PLPP1: variants seen among roughly 807,000 people sequenced by gnomAD.
PLPP1 encodes the protein phospholipid phosphatase 1.
A neutral mutation model predicts 31.2 loss-of-function variants in PLPP1; 24 were observed. That is an observed-to-expected ratio of 0.77 (90% CI 0.56 to 1.08). The LOEUF is 1.08. Ranked by LOEUF, PLPP1 falls within the 50% of genes least tolerant of loss-of-function variation. PLPP1 has a pLI of 0.00. For missense variants in PLPP1, 319 were observed against 342.7 expected, an observed-to-expected ratio of 0.93 and a Z score of 0.55; for synonymous variants, 146 against 126.3, an observed-to-expected ratio of 1.16 and a Z score of -1.05.
intron 1 of PLPP1, among the ~76,000 whole-genome samples, chr5:55,515,394 T>C (rs1331773476): frequency 2.0e-5 from 3 of 152,230 alleles, no homozygotes; most frequent in Non-Finnish European, 4.4e-5. Context: ...CCTGCTAGCC[T>C]GTGCTTGTTA....
At chr5:55,475,546 T>C in intron 1 of PLPP1, 96 bp from the exon 2 acceptor site, 1 of 1,186,452 alleles carries the variant, frequency 8.4e-7, no homozygotes. Context: ...TAAAAATGCA[T>C]TTGCCATGAA....
intron 1 of PLPP1, among the ~76,000 whole-genome samples, chr5:55,476,802 C>T (rs896490950): frequency 6.6e-6 from 1 of 152,146 alleles, no homozygotes; most frequent in Non-Finnish European, 1.5e-5. Flanking sequence ...AGTGTATTTA[C>T]CACAAATATC....
intron 1 of PLPP1, among the ~76,000 whole-genome samples, chr5:55,476,186 G>A (rs979691331): frequency 2.6e-5 from 4 of 151,228 alleles, no homozygotes; most frequent in African/African-American, 4.9e-5. Context: ...TTTTTTGTTT[G>A]TTTGTTTTTT....
chr5:55,530,840 A>G, intron 1 of PLPP1: 2 of 1,236,964 alleles, frequency 1.6e-6, no homozygotes, highest in Non-Finnish European at 2.4e-6. Context: ...CAGACGGGGC[A>G]GTAGGATGTG....
In PLPP1 at chr5:55,517,184, A is replaced by T. The variant is rs1579980867; in HGVS notation, c.58+17388T>A. ...CAAATTATGCTATCTTTCAAATCAA[A>T]TATTTCTTTTTTTACTTTTTTCAAG... On this transcript the variant is annotated intron_variant, in intron 1 of 5. Transcript: ENST00000307259. 2.6e-5 allele frequency among the ~76,000 whole-genome samples: 4 copies of T among 152,162 alleles called. No homozygotes were observed. The South Asian group carries it at 8.3e-4, about 32-fold the overall frequency.
intron 4 of PLPP1, among the ~76,000 whole-genome samples, chr5:55,429,497 T>C (rs1751291930): frequency 6.6e-6 from 1 of 152,048 alleles, no homozygotes; most frequent in Admixed American, 6.5e-5. Flanking sequence ...AGCATCCGCA[T>C]TCCCATTGTG....
At chr5:55,473,548 C>A (rs1157475002) in intron 2 of PLPP1, among the ~76,000 whole-genome samples, 1 of 151,916 alleles carries the variant, frequency 6.6e-6, no homozygotes, top group Non-Finnish European at 1.5e-5. Flanking sequence ...AGAAGCTTTT[C>A]TTTTTTTAAA....
intron 1 of PLPP1, among the ~76,000 whole-genome samples, chr5:55,476,954 C>T (rs894491759): frequency 1.3e-5 from 2 of 152,000 alleles, no homozygotes; most frequent in Non-Finnish European, 2.9e-5. Context: ...AGTCAATTTG[C>T]CAATAGCTGT....
At position 55,467,975 on chromosome 5, in the gene PLPP1, G is replaced by A; in HGVS notation, c.385C>T (p.His129Tyr). The change falls in exon 3 of 6, where the codon CAC (histidine) becomes TAC (tyrosine). Residue 129 changes from histidine to tyrosine, a missense_variant. Transcript: ENST00000307259. The part of the protein sequence containing the change: ...AKYSIGRLRP[H>Y]FLDVCDPDWS... Reference sequence around the variant, plus strand: ...TCTGGATCACAAACATCCAAGAAGTGAGGCCGCAGTCTGCCTATTGAATAC... The same window carrying A: ...TCTGGATCACAAACATCCAAGAAGTAAGGCCGCAGTCTGCCTATTGAATAC... 1 of 1,614,186 alleles carries A rather than the reference G, an allele frequency of 6.2e-7. No individual in the cohort carries two copies. The highest frequency in any genetic ancestry group is 1.1e-5 in the South Asian group (1 of 91,082).
At chr5:55,427,675 T>C (rs1166954729) in intron 4 of PLPP1, among the ~76,000 whole-genome samples, 6 of 151,998 alleles carry the variant, frequency 3.9e-5, no homozygotes, top group Non-Finnish European at 5.9e-5. Context: ...CAAACTCATA[T>C]TGAATATTAT....
intron 1 of PLPP1, among the ~76,000 whole-genome samples, chr5:55,479,641 G>A (rs1383265753): frequency 6.6e-6 from 1 of 152,100 alleles, no homozygotes; most frequent in Non-Finnish European, 1.5e-5. Context: ...CCTGAACCGG[G>A]TGAAATGGGA....
In PLPP1 at chr5:55,475,305, A is replaced by T; in HGVS notation, c.204T>A (p.Ile68=). The T allele has an allele frequency of 6.2e-7, 1 of 1,605,680 alleles. No individual in the cohort carries two copies. ...AAAAGTGGATTTAACTTACAACGAT[A>T]ATACTGAATGGAATGATTATTCCAC... is the stretch of plus-strand genomic sequence containing the variant. ...LLGGIIIPFS[I]IVIILGETLS... The change falls in exon 2 of 6, where the codon ATT becomes ATA. Residue 68 remains isoleucine (I), a synonymous_variant. Coordinates refer to ENST00000307259, the MANE Select transcript of PLPP1 (RefSeq NM_003711.4).
intron 5 of PLPP1, 46 bp downstream of exon 5, chr5:55,425,817 A>C: frequency 6.8e-7 from 1 of 1,461,618 alleles, no homozygotes. Context: ...TACTTATATA[A>C]ATGTTTAGCA....
At chr5:55,529,533 G>A (rs562756133) in intron 1 of PLPP1, among the ~76,000 whole-genome samples, 1 of 152,154 alleles carries the variant, frequency 6.6e-6, no homozygotes, top group South Asian at 2.1e-4. Context: ...TTTTCTCTCT[G>A]TATTTCCTTC....
intron 1 of PLPP1, among the ~76,000 whole-genome samples, chr5:55,533,158 C>A (rs1256211703): frequency 1.3e-5 from 2 of 151,702 alleles, no homozygotes; most frequent in Admixed American, 6.6e-5. Context: ...CTGAGACAGG[C>A]GGATCACCTG....
At chr5:55,521,310 C>T (rs1200442994) in intron 1 of PLPP1, among the ~76,000 whole-genome samples, 1 of 151,070 alleles carries the variant, frequency 6.6e-6, no homozygotes, top group South Asian at 2.1e-4. Context: ...CGAGATTGCG[C>T]CACTGCACAC....
intron 1 of PLPP1, among the ~76,000 whole-genome samples, chr5:55,496,177 A>T (rs1309176055): frequency 2.6e-5 from 4 of 151,880 alleles, no homozygotes; most frequent in Non-Finnish European, 4.4e-5. Context: ...TTTAATGTTA[A>T]TTTTTTAGAG....
intron 2 of PLPP1, among the ~76,000 whole-genome samples, chr5:55,469,511 TA>T (rs11339238): frequency 0.84 from 121,218 of 143,896 alleles, 51,353 homozygotes; most frequent in South Asian, 0.91. Flanking sequence ...TAATAAAAAT[TA>T]AAAAAAAAAA....
At chr5:55,448,720 T>C (rs991563750) in intron 3 of PLPP1, among the ~76,000 whole-genome samples, 14 of 152,130 alleles carry the variant, frequency 9.2e-5, no homozygotes, top group Admixed American at 7.9e-4. Context: ...AGTGTTGGGA[T>C]TACAGGCATG....
Sources: gnomAD v4.1 joint callset for allele counts (sites outside exome capture counted in the v4.1 genomes callset) on GRCh38, gnomAD v4.1.1 for gene constraint, MANE v1.5 for transcripts, NCBI Gene and HGNC (gene_info 2026-07-23, HGNC 2026-07-21) for gene names.